MCHR2: variants seen among roughly 807,000 people sequenced by gnomAD.
MCHR2 encodes melanin concentrating hormone receptor 2.
Under a neutral mutation model 24.8 loss-of-function variants are expected in MCHR2, and 15 were observed. The ratio of observed to expected loss-of-function variants is 0.60; its 90% CI spans 0.40 to 0.93. The LOEUF is 0.93. MCHR2 is among the 40% of genes least tolerant of loss of function. The pLI is 0.00. For synonymous variants in MCHR2, 151 were observed against 147.6 expected, an observed-to-expected ratio of 1.02 and a Z score of -0.17; for missense variants, 386 against 408.7, an observed-to-expected ratio of 0.94 and a Z score of 0.48.
intron 5 of MCHR2, among the ~76,000 whole-genome samples, chr6:99,926,874 C>T (rs554412180): frequency 1.1e-4 from 16 of 152,222 alleles, no homozygotes; most frequent in African/African-American, 3.6e-4. Flanking sequence ...GCTTTTGTTG[C>T]CATTGCTTTT....
At chr6:99,936,034 A>G (rs1774652929) in intron 4 of MCHR2, among the ~76,000 whole-genome samples, 3 of 151,748 alleles carry the variant, frequency 2.0e-5, no homozygotes, top group Admixed American at 2.0e-4. Flanking sequence ...CCCATTTTTT[A>G]CATTGGATTA....
chr6:99,984,629 C>T (rs760955531), intron 1 of MCHR2, among the ~76,000 whole-genome samples: 5 of 151,878 alleles, frequency 3.3e-5, no homozygotes, highest in Admixed American at 1.3e-4. Flanking sequence ...ATCTAGCATC[C>T]CTTCATGATA....
chr6:99,960,648 C>T (rs546081057), intron 1 of MCHR2, among the ~76,000 whole-genome samples: 9 of 152,174 alleles, frequency 5.9e-5, no homozygotes, highest in South Asian at 2.1e-4. Context: ...ACAAATGGAA[C>T]GGAACAGAGG....
chr6:99,978,776 T>A (rs78940015), intron 1 of MCHR2, among the ~76,000 whole-genome samples: 2,570 of 152,028 alleles, frequency 0.017, 26 homozygotes, highest in Middle Eastern at 0.048. Flanking sequence ...GAGGATAGCA[T>A]GTTGGGGGTG....
At chr6:99,965,056 G>A (rs1017671626) in intron 1 of MCHR2, among the ~76,000 whole-genome samples, 2 of 152,110 alleles carry the variant, frequency 1.3e-5, no homozygotes, top group Non-Finnish European at 2.9e-5. Context: ...GTTGTGACTC[G>A]TTAAGTGATT....
chr6:99,982,186 C>A (rs12203515), intron 1 of MCHR2, among the ~76,000 whole-genome samples: 36,322 of 151,736 alleles, frequency 0.24, 4,706 homozygotes, highest in African/African-American at 0.31. Flanking sequence ...GGCCTTGTCT[C>A]CCACTTCGAC....
intron 1 of MCHR2, among the ~76,000 whole-genome samples, chr6:99,975,660 G>A (rs182980592): frequency 2.0e-5 from 3 of 152,190 alleles, no homozygotes; most frequent in Middle Eastern, 3.2e-3. Context: ...CATCTTCTGC[G>A]TCGCTCACGC....
chr6:99,944,483 G>A (rs1391597952), intron 3 of MCHR2, among the ~76,000 whole-genome samples: 2 of 152,122 alleles, frequency 1.3e-5, no homozygotes, highest in Non-Finnish European at 2.9e-5. Context: ...CAAATTTCCT[G>A]TCCTCTTGCG....
intron 1 of MCHR2, among the ~76,000 whole-genome samples, chr6:99,972,923 G>A (rs1428900780): frequency 6.6e-6 from 1 of 152,146 alleles, no homozygotes; most frequent in East Asian, 1.9e-4. Flanking sequence ...TGTGGTCTGT[G>A]AGACAGTTTG....
chr6:99,936,573 T>C (rs1774665128), intron 4 of MCHR2, among the ~76,000 whole-genome samples: 1 of 152,084 alleles, frequency 6.6e-6, no homozygotes, highest in African/African-American at 2.4e-5. Context: ...GCCAGTACCA[T>C]GCTGCTTTGG....
intron 1 of MCHR2, among the ~76,000 whole-genome samples, chr6:99,966,018 T>C (rs1490909774): frequency 6.6e-6 from 1 of 152,162 alleles, no homozygotes; most frequent in African/African-American, 2.4e-5. Context: ...TTACTTGTTA[T>C]TGACAACTCC....
chr6:99,945,812 A>T (rs568601381), intron 3 of MCHR2, among the ~76,000 whole-genome samples: 1 of 152,264 alleles, frequency 6.6e-6, no homozygotes, highest in East Asian at 1.9e-4. Context: ...TAAATGTGAA[A>T]TGAAATTTTA....
intron 1 of MCHR2, among the ~76,000 whole-genome samples, chr6:99,964,117 T>C (rs1408632703): frequency 1.3e-5 from 2 of 152,132 alleles, no homozygotes; most frequent in Admixed American, 6.5e-5. Context: ...AAAAGTTTCA[T>C]GTCTAACAGT....
At chr6:99,921,603 AT>A (rs1002050232) in intron 5 of MCHR2, among the ~76,000 whole-genome samples, 1 of 152,190 alleles carries the variant, frequency 6.6e-6, no homozygotes, top group African/African-American at 2.4e-5. Context: ...CCCTTGAAGC[AT>A]TTATACTTTG....
intron 1 of MCHR2, among the ~76,000 whole-genome samples, chr6:99,976,069 C>G (rs1160021808): frequency 6.6e-6 from 1 of 152,048 alleles, no homozygotes; most frequent in Non-Finnish European, 1.5e-5. Context: ...AGGAAAAACA[C>G]AAATTTACAA....
intron 5 of MCHR2, among the ~76,000 whole-genome samples, chr6:99,929,405 G>C (rs1385341674): frequency 6.6e-6 from 1 of 152,090 alleles, no homozygotes; most frequent in Non-Finnish European, 1.5e-5. Flanking sequence ...TTAACTTTCT[G>C]TCTCATTGAT....
rs138545827 is a variant in MCHR2 at position 99,974,239 on chromosome 6, C to G, written c.-27-18065G>C. Among the ~76,000 whole-genome samples the G allele has an allele frequency of 2.8e-3, 417 of 151,218 alleles. 2 individuals carry two copies. Among genetic ancestry groups the G allele is most frequent in the African/African-American group, 9.7e-3 (400 of 41,440 alleles). On this transcript the variant is annotated intron_variant, in intron 1 of 5. Transcript: ENST00000281806. ...GGTCTTTTCACATAGTCCCATATTTCTTGGAAGCTTTGTTTGTTTCTTTTT... is the reference window on the plus strand; with the variant it reads ...GGTCTTTTCACATAGTCCCATATTTGTTGGAAGCTTTGTTTGTTTCTTTTT...
rs1227818693 is a variant in MCHR2, at chr6:99,920,104, G to T, written c.*836C>A. 6.6e-6 allele frequency: 1 copy of T among 152,194 alleles called. No individual in the cohort carries two copies. Among genetic ancestry groups the T allele is most frequent in the African/African-American group, 2.4e-5 (1 of 41,446 alleles). 9.4% of individuals were successfully genotyped at this position (152,194 alleles called of 1,614,324 possible). A position where few individuals can be genotyped will look rare whatever the true frequency, so the allele number is the denominator to read the frequency against. ...GTGCAGATGCCAGTTTCTACAGTTA[G>T]CAGGTGTGAGAACAAAGATAATCCA... On this transcript the variant is annotated 3_prime_UTR_variant, in exon 6 of 6. Transcript: ENST00000281806.
chr6:99,954,969 C>T (rs926319867), intron 2 of MCHR2, among the ~76,000 whole-genome samples: 22 of 152,118 alleles, frequency 1.4e-4, no homozygotes, highest in South Asian at 4.1e-4. Context: ...TATGCATATA[C>T]AAACAGCACA....
Sources: allele counts gnomAD v4.1 joint callset (sites outside exome capture counted in the v4.1 genomes callset), GRCh38; gene constraint gnomAD v4.1.1; transcripts MANE v1.5; gene names NCBI Gene and HGNC (gene_info 2026-07-23, HGNC 2026-07-21).